The following RNF150 variants were observed in gnomAD, a reference collection of about 807,000 sequenced individuals.
The protein encoded by RNF150 is ring finger protein 150.
RNF150 carries 24 observed loss-of-function variants against 39.3 expected under a neutral mutation model. That is an observed-to-expected ratio of 0.61 (90% CI 0.44 to 0.86). The LOEUF (loss-of-function observed/expected upper bound fraction) is 0.86. Ranked by LOEUF, RNF150 falls within the 40% of genes least tolerant of loss-of-function variation. RNF150 has a pLI of 0.00. For missense variants in RNF150, 502 were observed against 587.8 expected (o/e 0.85, Z 1.51); for synonymous variants, 255 against 227.3 (o/e 1.12, Z -1.10).
chr4:141,041,051 G>A (rs1201089003), intron 1 of RNF150, among the ~76,000 whole-genome samples: 2 of 151,880 alleles, frequency 1.3e-5, no homozygotes, highest in Non-Finnish European at 2.9e-5. Context: ...TTTACCAAAC[G>A]GTTTAGTAAA....
chr4:140,960,155 C>A (rs1374195497), intron 2 of RNF150, among the ~76,000 whole-genome samples: 1 of 152,148 alleles, frequency 6.6e-6, no homozygotes, highest in African/African-American at 2.4e-5. Context: ...CTTTCCTGTT[C>A]CAGTAAATGC....
intron 4 of RNF150, among the ~76,000 whole-genome samples, chr4:140,942,133 G>A (rs12504223): frequency 0.61 from 92,810 of 151,986 alleles, 28,736 homozygotes; most frequent in Admixed American, 0.67. Flanking sequence ...AATATGATTA[G>A]AAAGGTAAAT....
chr4:140,989,160 C>T (rs961156862), intron 1 of RNF150, among the ~76,000 whole-genome samples: 7 of 152,090 alleles, frequency 4.6e-5, no homozygotes, highest in Non-Finnish European at 1.5e-5. Context: ...AAGCTGGTGT[C>T]AGTGATGCTT....
Position 141,000,074 on chromosome 4 carries a change from GAAGAAGAAGA to G in RNF150, c.485-32211_485-32202del, listed in dbSNP as rs1734597964. Among the ~76,000 whole-genome samples, 2 of 79,432 alleles carry G rather than the reference GAAGAAGAAGA, an allele frequency of 2.5e-5. 1 individual carries two copies. The highest frequency in any genetic ancestry group is 9.4e-5 in the African/African-American group (2 of 21,244). The allele number at this position is 79,432 out of a possible 152,430, so 52.1% of individuals were successfully genotyped here. ...AGAAGAAGAAGAAGAAGAAGAAGAA[GAAGAAGAAGA>G]AGGAGAAGAAGAAGAAGAAGAAGAG... is the stretch of plus-strand genomic sequence containing the variant. On this transcript the variant is annotated intron_variant, in intron 1 of 6. Transcript: ENST00000515673.
intron 1 of RNF150, among the ~76,000 whole-genome samples, chr4:141,061,246 C>T (rs1737214761): frequency 6.6e-6 from 1 of 152,094 alleles, no homozygotes; most frequent in African/African-American, 2.4e-5. Context: ...CAGAAGATTC[C>T]ATGCAGATAC....
intron 1 of RNF150, among the ~76,000 whole-genome samples, chr4:141,025,658 G>A (rs76838015): frequency 0.01 from 1,557 of 152,096 alleles, 20 homozygotes; most frequent in Non-Finnish European, 0.018. Flanking sequence ...AGTAGACCAA[G>A]AAAAAATAGC....
At chr4:141,126,089 A>C (rs377003411) in intron 1 of RNF150, among the ~76,000 whole-genome samples, 12 of 75,760 alleles carry the variant, frequency 1.6e-4, no homozygotes, top group African/African-American at 5.7e-4. Context: ...GTGCAAAATA[A>C]ATACATACAC....
At chr4:140,959,377 T>C (rs1043471031) in intron 2 of RNF150, among the ~76,000 whole-genome samples, 1 of 152,048 alleles carries the variant, frequency 6.6e-6, no homozygotes, top group South Asian at 2.1e-4. Flanking sequence ...CATTAGGAAA[T>C]TGGCTCCCTA....
chr4:141,119,819 G>A (rs1260366678), intron 1 of RNF150, among the ~76,000 whole-genome samples: 2 of 152,178 alleles, frequency 1.3e-5, no homozygotes, highest in Non-Finnish European at 2.9e-5. Context: ...CTTATAAGGG[G>A]TTAAAGTCAG....
chr4:140,929,846 G>A (rs961618834), intron 4 of RNF150, among the ~76,000 whole-genome samples: 3 of 152,042 alleles, frequency 2.0e-5, no homozygotes, highest in Non-Finnish European at 4.4e-5. Flanking sequence ...TCATTTGAAC[G>A]ATCTTAAGAG....
chr4:140,980,842 G>C (rs1423979572), intron 1 of RNF150, among the ~76,000 whole-genome samples: 5 of 152,122 alleles, frequency 3.3e-5, no homozygotes, highest in Non-Finnish European at 5.9e-5. Flanking sequence ...TATAGAGCAT[G>C]AGAACAGACT....
At chr4:141,097,074 G>C (rs1738815723) in intron 1 of RNF150, among the ~76,000 whole-genome samples, 1 of 152,174 alleles carries the variant, frequency 6.6e-6, no homozygotes, top group Non-Finnish European at 1.5e-5. Flanking sequence ...CTGTCTTCAT[G>C]TGGTTTTATA....
chr4:140,935,624 T>C (rs1731835220), intron 4 of RNF150, among the ~76,000 whole-genome samples: 1 of 152,204 alleles, frequency 6.6e-6, no homozygotes. Flanking sequence ...ACATATATAA[T>C]GTTGTACACA....
At chr4:140,907,663 A>G (rs565807968) in intron 6 of RNF150, among the ~76,000 whole-genome samples, 10 of 152,332 alleles carry the variant, frequency 6.6e-5, no homozygotes, top group African/African-American at 2.4e-4. Flanking sequence ...ACTAAATGAA[A>G]AGTGAGTAGG....
At chr4:140,940,088 A>G (rs1446391333) in intron 4 of RNF150, among the ~76,000 whole-genome samples, 1 of 152,148 alleles carries the variant, frequency 6.6e-6, no homozygotes, top group East Asian at 1.9e-4. Flanking sequence ...TGGGTGCTCC[A>G]GCACTTGGTT....
At chr4:140,976,507 C>T (rs1052724397) in intron 1 of RNF150, among the ~76,000 whole-genome samples, 3 of 151,924 alleles carry the variant, frequency 2.0e-5, no homozygotes, top group East Asian at 1.9e-4. Context: ...CCTAGACACA[C>T]ATTCCCACTG....
intron 1 of RNF150, among the ~76,000 whole-genome samples, chr4:140,986,921 G>A (rs763465681): frequency 3.9e-5 from 6 of 151,932 alleles, no homozygotes; most frequent in Non-Finnish European, 8.8e-5. Context: ...GACTTCAGTA[G>A]AGTTTCAGGA....
At chr4:140,959,430 C>T (rs1347818330) in intron 2 of RNF150, among the ~76,000 whole-genome samples, 1 of 152,132 alleles carries the variant, frequency 6.6e-6, no homozygotes, top group Non-Finnish European at 1.5e-5. Context: ...TCCTAATCCA[C>T]ATGCTCCTAA....
intron 1 of RNF150, among the ~76,000 whole-genome samples, chr4:141,140,344 A>G (rs1727099130): frequency 6.6e-6 from 1 of 152,080 alleles, no homozygotes; most frequent in South Asian, 2.1e-4. Flanking sequence ...TTGACATTTA[A>G]TTTGGGCTTC....
Sources: gnomAD v4.1 joint callset for allele counts (sites outside exome capture counted in the v4.1 genomes callset) on GRCh38, gnomAD v4.1.1 for gene constraint, MANE v1.5 for transcripts, NCBI Gene and HGNC (gene_info 2026-07-23, HGNC 2026-07-21) for gene names.